TEX28: variants seen among roughly 807,000 people sequenced by gnomAD.
TEX28 encodes testis expressed 28.
At chrX:154,294,460 G>A (rs1412128241), upstream of TEX28, among the ~76,000 whole-genome samples, 2 of 107,279 alleles carry the variant, frequency 1.9e-5, no homozygotes, top group African/African-American at 6.8e-5. Context: ...TCCGCTTCCC[G>A]GATTCAAGTG....
upstream of TEX28, chrX:154,295,193 A>G (rs1374339235): frequency 8.9e-6 from 1 of 112,704 alleles, no homozygotes; most frequent in Non-Finnish European, 1.9e-5. Context: ...CTCCTCAACA[A>G]TCACACGGGG....
chrX:154,295,094 G>A (rs1447161081), upstream of TEX28: 3 of 112,039 alleles, frequency 2.7e-5, no homozygotes, highest in African/African-American at 9.7e-5. Context: ...CACCGGACAT[G>A]GGGCATTTCA....
At chrX:154,294,420 A>G (rs1215061762), upstream of TEX28, among the ~76,000 whole-genome samples, 7 of 105,463 alleles carry the variant, frequency 6.6e-5, no homozygotes, top group African/African-American at 2.1e-4. Flanking sequence ...AGGCTGGAGT[A>G]CAGTGGCGCC....
chrX:154,294,000 A>C (rs2067198863), upstream of TEX28, among the ~76,000 whole-genome samples: 1 of 71,387 alleles, frequency 1.4e-5, no homozygotes, highest in Non-Finnish European at 2.6e-5. Flanking sequence ...AGGTGATGTC[A>C]CATACCCTGC....
chrX:154,294,560 G>T (rs2067203295), upstream of TEX28, among the ~76,000 whole-genome samples: 1 of 98,656 alleles, frequency 1.0e-5, no homozygotes. Context: ...CCAACACTTT[G>T]GGAGGCCGAG....
upstream of TEX28, among the ~76,000 whole-genome samples, chrX:154,294,296 A>C (rs2067200943): frequency 9.5e-6 from 1 of 105,235 alleles, no homozygotes; most frequent in Non-Finnish European, 1.9e-5. Flanking sequence ...GGAACTCCTG[A>C]CCTCAGGTGA....
upstream of TEX28, among the ~76,000 whole-genome samples, chrX:154,294,114 A>G (rs1193215472): frequency 7.4e-5 from 7 of 94,581 alleles, no homozygotes; most frequent in Admixed American, 8.2e-4. Flanking sequence ...CTTGTTGCCC[A>G]GGCTGGAGTG....
chrX:154,293,414 AG>A (rs2067196391), upstream of TEX28, among the ~76,000 whole-genome samples: 1 of 90,235 alleles, frequency 1.1e-5, no homozygotes, highest in South Asian at 5.6e-4. Flanking sequence ...CTGTAATCCC[AG>A]CACTTTGGAA....
At chrX:154,294,483 C>G (rs1395265665), upstream of TEX28, among the ~76,000 whole-genome samples, 1 of 107,675 alleles carries the variant, frequency 9.3e-6, no homozygotes, top group Non-Finnish European at 1.9e-5. Context: ...TCTCCTGCCT[C>G]AGATTCCCAT....
chrX:154,295,153 T>G (rs2067210421), upstream of TEX28: 1 of 112,059 alleles, frequency 8.9e-6, no homozygotes, highest in South Asian at 3.7e-4. Context: ...TTCGAGTCAG[T>G]CACGTCACAG....
At chrX:154,294,746 C>A (rs899774471), upstream of TEX28, among the ~76,000 whole-genome samples, 1 of 109,072 alleles carries the variant, frequency 9.2e-6, no homozygotes, top group Non-Finnish European at 1.9e-5. Flanking sequence ...GAGGTTGCAA[C>A]GAGCTAAGTT....
upstream of TEX28, among the ~76,000 whole-genome samples, chrX:154,294,699 A>G (rs1259547450): frequency 9.1e-6 from 1 of 109,934 alleles, no homozygotes; most frequent in African/African-American, 3.3e-5. Context: ...GCTATTCAGG[A>G]GGCTGAGGCA....
upstream of TEX28, among the ~76,000 whole-genome samples, chrX:154,294,384 T>C (rs2067201800): frequency 9.5e-6 from 1 of 105,728 alleles, no homozygotes; most frequent in Non-Finnish European, 2.0e-5. Flanking sequence ...TTTTTTTTTT[T>C]TAGACGGAGT....
At chrX:154,294,901 A>G (rs1298830490), upstream of TEX28, 3 of 112,261 alleles carry the variant, frequency 2.7e-5, no homozygotes, top group Non-Finnish European at 5.6e-5. Flanking sequence ...GCCTGACTTG[A>G]GCTCACGTAG....
upstream of TEX28, among the ~76,000 whole-genome samples, chrX:154,294,592 A>G (rs1181338589): frequency 1.8e-5 from 2 of 108,206 alleles, no homozygotes; most frequent in Non-Finnish European, 3.8e-5. Context: ...ACCTGAGGTC[A>G]GGAGTTCGAG....
At chrX:154,294,292 C>T (rs2067200904), upstream of TEX28, among the ~76,000 whole-genome samples, 1 of 108,439 alleles carries the variant, frequency 9.2e-6, no homozygotes, top group Non-Finnish European at 1.9e-5. Flanking sequence ...GTCAGGAACT[C>T]CTGACCTCAG....
upstream of TEX28, among the ~76,000 whole-genome samples, chrX:154,294,245 G>T (rs1293722316): frequency 1.8e-5 from 2 of 109,337 alleles, no homozygotes; most frequent in Non-Finnish European, 3.8e-5. Context: ...TAATTTTTTT[G>T]TATTTAGTAG....
upstream of TEX28, among the ~76,000 whole-genome samples, chrX:154,294,399 C>G (rs2067201944): frequency 9.7e-6 from 1 of 102,592 alleles, no homozygotes; most frequent in African/African-American, 3.6e-5. Flanking sequence ...CGGAGTCTTG[C>G]TCTGTCGCCC....
Sources: gnomAD v4.1 joint callset for allele counts (sites outside exome capture counted in the v4.1 genomes callset) on GRCh38, gnomAD v4.1.1 for gene constraint, MANE v1.5 for transcripts, NCBI Gene and HGNC (gene_info 2026-07-23, HGNC 2026-07-21) for gene names.